Variants in CRLS1 observed in about 807,000 individuals in gnomAD.
CRLS1 encodes the protein cardiolipin synthase (CMP-forming).
CRLS1 carries 24 observed loss-of-function variants against 37.0 expected under a neutral mutation model. The ratio of observed to expected loss-of-function variants is 0.65; its 90% confidence interval spans 0.47 to 0.91. The LOEUF is 0.91. Ranked by LOEUF, CRLS1 falls within the 40% of genes least tolerant of loss-of-function variation. The pLI is 0.00. For synonymous variants in CRLS1, 135 were observed against 159.7 expected, an observed-to-expected ratio of 0.85 and a Z score of 1.17; for missense variants, 373 against 395.8, an observed-to-expected ratio of 0.94 and a Z score of 0.49.
intron 5 of CRLS1, among the ~76,000 whole-genome samples, chr20:6,032,529 T>G (rs974825057): frequency 6.6e-6 from 1 of 152,166 alleles, no homozygotes; most frequent in Admixed American, 6.5e-5. Context: ...TTTCACAGAT[T>G]ATGAAGAGTC....
In CRLS1 at chr20:6,026,495, T is replaced by C. The variant is rs1183836852; in HGVS notation, c.575-4790T>C. 2.0e-5 allele frequency among the ~76,000 whole-genome samples: 3 copies of C among 152,248 alleles called. No homozygotes were observed. The East Asian group carries it at 5.8e-4, about 29-fold the overall frequency. ...CGGTGGTCTGGAACAGAGCCTTCAA[T>C]GTCTCTGAGGCATGCTTGTATTTAT... On this transcript the variant is annotated intron_variant, in intron 3 of 6. Coordinates refer to ENST00000378863, the MANE Select transcript of CRLS1 (RefSeq NM_019095.6).
chr20:6,006,601 G>C, intron 1 of CRLS1, 49 bp downstream of exon 1: 1 of 1,243,614 alleles, frequency 8.0e-7, no homozygotes, highest in Non-Finnish European at 1.0e-6. Context: ...TGGGGTCGCC[G>C]CCCCTGCACT....
rs1980622666 is a variant in CRLS1 at position 6,037,191 on chromosome 20, A to G, written c.*33A>G. On this transcript the variant is annotated 3_prime_UTR_variant, in exon 7 of 7. Coordinates refer to ENST00000378863, the MANE Select transcript of CRLS1 (RefSeq NM_019095.6). The stretch of plus-strand genomic sequence containing the variant: ...CATCCCTCACTGTTAGTAAGGAAGC[A>G]GTATACATCAATGGGAACAGGGCCC... 6.6e-7 allele frequency: 1 copy of G among 1,511,454 alleles called. No individual in the cohort carries two copies. Among genetic ancestry groups the G allele is most frequent in the Non-Finnish European group, 9.2e-7 (1 of 1,088,310 alleles). The allele number at this position is 1,511,454 out of a possible 1,614,324, so 93.6% of individuals were successfully genotyped here. A position where few individuals can be genotyped will look rare whatever the true frequency, so the allele number is the denominator to read the frequency against.
At chr20:6,007,217 G>A (rs1489817540) in intron 1 of CRLS1, 12 of 1,453,002 alleles carry the variant, frequency 8.3e-6, no homozygotes, top group African/African-American at 2.9e-5. Context: ...ATCTTCAATT[G>A]TTATGTCTTC....
At chr20:6,036,071 C>T (rs1455055204) in intron 6 of CRLS1, among the ~76,000 whole-genome samples, 2 of 152,086 alleles carry the variant, frequency 1.3e-5, no homozygotes, top group Admixed American at 1.3e-4. Flanking sequence ...TCTCAAAGTG[C>T]TGGGATTACA....
chr20:6,006,671 T>A, intron 1 of CRLS1, 119 bp downstream of exon 1: 1 of 1,208,626 alleles, frequency 8.3e-7, no homozygotes, highest in African/African-American at 1.6e-5. Context: ...TTTTAGACTC[T>A]TCCCTGAAAA....
intron 3 of CRLS1, among the ~76,000 whole-genome samples, chr20:6,030,613 G>T (rs978991450): frequency 3.3e-5 from 5 of 151,946 alleles, no homozygotes; most frequent in African/African-American, 1.2e-4. Flanking sequence ...AGCTACTTGG[G>T]AGGGTGAGGT....
intron 5 of CRLS1, among the ~76,000 whole-genome samples, chr20:6,032,912 GT>G (rs1980281413): frequency 1.3e-5 from 2 of 151,902 alleles, no homozygotes; most frequent in Admixed American, 6.6e-5. Flanking sequence ...AGGGTTTGGG[GT>G]TTTTTTGTTG....
At position 6,034,575 on chromosome 20, in the gene CRLS1, ACT is replaced by A. The variant is rs540034167; in HGVS notation, c.821+25_821+26del. 4.1e-4 allele frequency: 614 copies of A among 1,515,878 alleles called. 2 individuals are homozygous for A. In the African/African-American group the frequency reaches 7.6e-3, roughly 19 times the overall value. 93.9% of individuals were successfully genotyped at this position (1,515,878 alleles called of 1,614,324 possible). A position where few individuals can be genotyped will look rare whatever the true frequency, so the allele number is the denominator to read the frequency against. On this transcript the variant is annotated intron_variant, in intron 6 of 6. Transcript: ENST00000378863. ...ACTATGGTAAGCTAAATTTAGAATC[ACT>A]CTCTTAGAATGTCAACAGAATGACT...
chr20:6,018,179 G>A (rs761467362), intron 3 of CRLS1, among the ~76,000 whole-genome samples: 30 of 124,012 alleles, frequency 2.4e-4, no homozygotes, highest in East Asian at 9.9e-4. Flanking sequence ...TTATACCACT[G>A]CACTCCAGCC....
chr20:6,014,152 T>C (rs367697248), intron 2 of CRLS1, among the ~76,000 whole-genome samples: 19 of 152,238 alleles, frequency 1.2e-4, no homozygotes, highest in African/African-American at 4.6e-4. Context: ...GAACAAGTAT[T>C]AATCACATTG....
chr20:6,030,710 C>A (rs941650112), intron 3 of CRLS1, among the ~76,000 whole-genome samples: 1 of 151,250 alleles, frequency 6.6e-6, no homozygotes, highest in Admixed American at 6.6e-5. Context: ...CAAAGCAAGG[C>A]TCTGTCTCAA....
chr20:6,005,977 C>T (rs2090047803), upstream of CRLS1: 2 of 306,500 alleles, frequency 6.5e-6, no homozygotes. Flanking sequence ...TTCCCAAAAC[C>T]CACTGAGCCT....
intron 3 of CRLS1, among the ~76,000 whole-genome samples, chr20:6,021,065 CTTTTTT>C (rs148717152): frequency 8.7e-6 from 1 of 114,344 alleles, no homozygotes; most frequent in Non-Finnish European, 1.8e-5. Flanking sequence ...TGTTTTGTAT[CTTTTTT>C]TTTTTTTTTT....
At position 6,015,347 on chromosome 20, in the gene CRLS1, A is replaced by AG; in HGVS notation, c.445-14_445-13insG. ...ATGACATTTATATATATAAAAAAAA[A>AG]CTTCTATTTTCAGTTGGATGGATTT... On this transcript the variant is annotated splice_polypyrimidine_tract_variant and intron_variant, in intron 2 of 6. Transcript: ENST00000378863. The AG allele has an allele frequency of 6.5e-7, 1 of 1,533,252 alleles. No individual in the cohort carries two copies. The highest frequency in any genetic ancestry group is 1.4e-5 in the African/African-American group (1 of 72,092). The allele number at this position is 1,533,252 out of a possible 1,614,324, so 95.0% of individuals were successfully genotyped here.
chr20:6,006,420 G>A lies in CRLS1; in HGVS notation c.174G>A (p.Leu58=). The change falls in exon 1 of 7, where the codon TTG becomes TTA. Residue 58 remains leucine, a synonymous_variant. Transcript: ENST00000378863. Reference sequence around the variant, plus strand: ...GGCTGCGTCCGGCCGCTCTTGGCTTGCGGCTGCCCGGGATCGGCCAGCGGA... The same window carrying A: ...GGCTGCGTCCGGCCGCTCTTGGCTTACGGCTGCCCGGGATCGGCCAGCGGA... ...RWRLRPAALG[L]RLPGIGQRNH... 2 of 1,408,160 alleles carry A rather than the reference G, an allele frequency of 1.4e-6. No individual in the cohort carries two copies. The highest frequency in any genetic ancestry group is 1.9e-6 in the Non-Finnish European group (2 of 1,081,034). The allele number at this position is 1,408,160 out of a possible 1,614,324, so 87.2% of individuals were successfully genotyped here.
rs186409952 is a variant in CRLS1 at position 6,020,783 on chromosome 20, C to T, written c.574+5293C>T. On this transcript the variant is annotated intron_variant, in intron 3 of 6. Coordinates refer to ENST00000378863, the MANE Select transcript of CRLS1 (RefSeq NM_019095.6). ...GACTACAGGTGCCTGCCACCACGCC[C>T]GGCTAATTTTTTGTATTTTTTTTTT... Among the ~76,000 whole-genome samples the T allele has an allele frequency of 1.6e-4, 23 of 144,774 alleles. 1 individual carries two copies. Among genetic ancestry groups the T allele is most frequent in the African/African-American group, 6.0e-4 (23 of 38,536 alleles). The allele number at this position is 144,774 out of a possible 152,430, so 95.0% of individuals were successfully genotyped here. A position where few individuals can be genotyped will look rare whatever the true frequency, so the allele number is the denominator to read the frequency against.
At chr20:6,024,839 G>A (rs6076910) in intron 3 of CRLS1, among the ~76,000 whole-genome samples, 16,568 of 152,230 alleles carry the variant, frequency 0.11, 1,029 homozygotes, top group Middle Eastern at 0.22. Context: ...AGAAGATCAC[G>A]TCAGCCAAAA....
At chr20:6,008,862 A>G (rs896939417) in intron 1 of CRLS1, among the ~76,000 whole-genome samples, 2 of 152,130 alleles carry the variant, frequency 1.3e-5, no homozygotes, top group Admixed American at 1.3e-4. Flanking sequence ...TTTTTTCCTG[A>G]CACTTTTACT....
Sources: allele counts gnomAD v4.1 joint callset (sites outside exome capture counted in the v4.1 genomes callset), GRCh38; gene constraint gnomAD v4.1.1; transcripts MANE v1.5; gene names NCBI Gene and HGNC (gene_info 2026-07-23, HGNC 2026-07-21).